Variants in COL22A1 observed in about 807,000 individuals in gnomAD.
The protein encoded by COL22A1 is collagen type XXII alpha 1 chain, also known as collagen alpha-1(XXII) chain.
COL22A1 carries 221 observed loss-of-function variants against 248.9 expected under a neutral mutation model. That is an observed-to-expected ratio of 0.89 (90% confidence interval 0.80 to 0.99). The LOEUF is 0.99. Among genes scored for constraint, COL22A1 ranks in the 50% least tolerant of loss-of-function variants. COL22A1 has a pLI of 0.00. For synonymous variants in COL22A1, 891 were observed against 793.4 expected (o/e 1.12, Z -2.07); for missense variants, 2,240 against 2,179.0 (o/e 1.03, Z -0.56).
intron 30 of COL22A1, among the ~76,000 whole-genome samples, chr8:138,708,695 C>T (rs539010468): frequency 6.6e-6 from 1 of 152,296 alleles, no homozygotes; most frequent in African/African-American, 2.4e-5. Flanking sequence ...TAGAAGAAAA[C>T]CTAGGCAATA....
chr8:138,878,735 C>T (rs1017153920), intron 2 of COL22A1, among the ~76,000 whole-genome samples: 1 of 152,184 alleles, frequency 6.6e-6, no homozygotes, highest in Non-Finnish European at 1.5e-5. Flanking sequence ...AGGCTGGGCG[C>T]GGTGGTTCAC....
intron 32 of COL22A1, among the ~76,000 whole-genome samples, chr8:138,697,847 C>T (rs748245271): frequency 7.9e-5 from 12 of 152,228 alleles, no homozygotes; most frequent in East Asian, 3.9e-4. Context: ...GCCATGGTGA[C>T]GAAGCCAGTC....
At chr8:138,903,451 T>C (rs1434994603) in intron 1 of COL22A1, among the ~76,000 whole-genome samples, 3 of 152,158 alleles carry the variant, frequency 2.0e-5, no homozygotes, top group Non-Finnish European at 4.4e-5. Flanking sequence ...TTTTAAATCA[T>C]ATGTTGCATC....
At chr8:138,909,962 G>C (rs951217495) in intron 1 of COL22A1, among the ~76,000 whole-genome samples, 1 of 152,174 alleles carries the variant, frequency 6.6e-6, no homozygotes, top group Non-Finnish European at 1.5e-5. Context: ...TTGCCAAATG[G>C]GGGAAATCTT....
At position 138,883,113 on chromosome 8, in the gene COL22A1, A is replaced by C; in HGVS notation, c.60T>G (p.Ser20Arg). The change falls in exon 2 of 65, where the codon AGT becomes AGG. Residue 20 changes from serine (S) to arginine (R), a missense_variant. Ser to Arg is a moderately radical substitution (Grantham distance 110). Coordinates refer to ENST00000303045, the MANE Select transcript of COL22A1 (RefSeq NM_152888.3). ...GCTGAGCCTGGCAGCCGCCGCCCCC[A>C]CTCCACAGCAGCAGCATCCAGAGGA... Reference protein sequence around the residue: ...AGLLWMLLLWSGGGGCQAQRA... With the variant: ...AGLLWMLLLWRGGGGCQAQRA... The C allele has an allele frequency of 2.5e-6, 4 of 1,595,126 alleles. No homozygotes were observed. The highest frequency in any genetic ancestry group is 1.7e-5 in the Admixed American group (1 of 57,598).
chr8:138,761,437 A>G lies in COL22A1; in HGVS notation c.1857+976T>C, dbSNP rs547982623. On this transcript the variant is annotated intron_variant, in intron 17 of 64. Coordinates refer to ENST00000303045, the MANE Select transcript of COL22A1 (RefSeq NM_152888.3). ...AATGTTGAAGGAAGAAAAGCAAGAT[A>G]TAAAAAGTATGATTCCAATGTGTTA... 3.0e-4 allele frequency among the ~76,000 whole-genome samples: 46 copies of G among 152,358 alleles called. No individual in the cohort carries two copies. In the South Asian group the frequency reaches 9.5e-3, roughly 32 times the overall value.
chr8:138,868,997 G>T (rs1212255761), intron 3 of COL22A1, among the ~76,000 whole-genome samples: 2 of 152,198 alleles, frequency 1.3e-5, no homozygotes, highest in African/African-American at 2.4e-5. Context: ...CTCCAAAAGT[G>T]CTGGGATTAC....
At chr8:138,654,481 C>A (rs1001773470) in intron 45 of COL22A1, among the ~76,000 whole-genome samples, 5 of 152,162 alleles carry the variant, frequency 3.3e-5, no homozygotes, top group African/African-American at 1.2e-4. Flanking sequence ...TTGTTTTCCT[C>A]TCTTGGCTTC....
At chr8:138,708,293 G>C (rs536824701) in intron 30 of COL22A1, among the ~76,000 whole-genome samples, 1 of 152,230 alleles carries the variant, frequency 6.6e-6, no homozygotes, top group East Asian at 1.9e-4. Flanking sequence ...CTACTCTAAA[G>C]TTCATAGGGA....
intron 55 of COL22A1, among the ~76,000 whole-genome samples, chr8:138,615,081 G>A (rs766498587): frequency 6.6e-6 from 1 of 152,216 alleles, no homozygotes; most frequent in Non-Finnish European, 1.5e-5. Context: ...CCTGCAGGAC[G>A]CCACATGCAA....
chr8:138,699,576 G>A (rs889813210), intron 32 of COL22A1, among the ~76,000 whole-genome samples: 7 of 152,206 alleles, frequency 4.6e-5, no homozygotes, highest in African/African-American at 1.7e-4. Flanking sequence ...GCAGTGCTAA[G>A]CTTTATTTCC....
At chr8:138,812,067 A>G in intron 8 of COL22A1, 146 bp from the exon 9 acceptor site, 1 of 1,024,226 alleles carries the variant, frequency 9.8e-7, no homozygotes, top group Non-Finnish European at 1.4e-6. Context: ...GCCTTGGGGC[A>G]GAAAGCCTGG....
chr8:138,599,012 G>T, intron 60 of COL22A1, 114 bp from the exon 61 acceptor site: 1 of 1,042,498 alleles, frequency 9.6e-7, no homozygotes, highest in Non-Finnish European at 1.4e-6. Flanking sequence ...GGGAGACCTT[G>T]GCCCTGGGTG....
At chr8:138,708,696 C>G (rs1363889313) in intron 30 of COL22A1, among the ~76,000 whole-genome samples, 1 of 152,104 alleles carries the variant, frequency 6.6e-6, no homozygotes, top group Non-Finnish European at 1.5e-5. Context: ...AGAAGAAAAC[C>G]TAGGCAATAC....
intron 55 of COL22A1, among the ~76,000 whole-genome samples, chr8:138,614,873 C>A (rs1819186313): frequency 6.6e-6 from 1 of 152,176 alleles, no homozygotes; most frequent in African/African-American, 2.4e-5. Context: ...TTCCTGGGAG[C>A]AGATCAGCCA....
chr8:138,875,834 G>C (rs190612880), intron 3 of COL22A1, among the ~76,000 whole-genome samples: 2 of 152,242 alleles, frequency 1.3e-5, no homozygotes, highest in Non-Finnish European at 2.9e-5. Flanking sequence ...TTGTGATATG[G>C]GTCAGTGAAG....
At chr8:138,856,058 A>C (rs543675266) in intron 3 of COL22A1, among the ~76,000 whole-genome samples, 1 of 152,334 alleles carries the variant, frequency 6.6e-6, no homozygotes, top group African/African-American at 2.4e-5. Context: ...GGACTTGCAG[A>C]AAAAGGGGCC....
chr8:138,796,389 C>CTTTTTTT lies in COL22A1; in HGVS notation c.1596+423_1596+429dup, dbSNP rs11284610. On this transcript the variant is annotated intron_variant, in intron 12 of 64. Coordinates refer to ENST00000303045, the MANE Select transcript of COL22A1 (RefSeq NM_152888.3). ...TTTTTTTCTCTTGCTTGCTACTTTC[C>CTTTTTTT]TTTTTTTTTTTTTTTTTTTTTTTTT... 4.7e-3 allele frequency among the ~76,000 whole-genome samples: 124 copies of CTTTTTTT among 26,312 alleles called. 1 individual carries two copies. Among genetic ancestry groups the CTTTTTTT allele is most frequent in the Non-Finnish European group, 6.0e-3 (71 of 11,882 alleles). 17.3% of individuals were successfully genotyped at this position (26,312 alleles called of 152,430 possible). A position where few individuals can be genotyped will look rare whatever the true frequency, so the allele number is the denominator to read the frequency against.
Position 138,619,414 on chromosome 8 carries a change from G to A in COL22A1, c.3825+41C>T, listed in dbSNP as rs1428376740. The A allele has an allele frequency of 3.8e-6, 6 of 1,595,214 alleles. No homozygotes were observed. In the Admixed American group the frequency reaches 8.3e-5, roughly 22 times the overall value. On this transcript the variant is annotated intron_variant, in intron 53 of 64. Transcript: ENST00000303045. ...CAGTGGTGAGAGCCATGTAGCTGATGGGCTTGGTTCTACCGTTCCCCACAC... is the reference window on the plus strand; with the variant it reads ...CAGTGGTGAGAGCCATGTAGCTGATAGGCTTGGTTCTACCGTTCCCCACAC...
Sources: allele counts gnomAD v4.1 joint callset (sites outside exome capture counted in the v4.1 genomes callset), GRCh38; gene constraint gnomAD v4.1.1; transcripts MANE v1.5; gene names NCBI Gene and HGNC (gene_info 2026-07-23, HGNC 2026-07-21).